Variants in FAM171B observed in about 807,000 individuals in gnomAD.
FAM171B encodes family with sequence similarity 171 member B.
FAM171B carries 19 observed loss-of-function variants against 75.6 expected under a neutral mutation model. That is an observed-to-expected ratio of 0.25 (90% confidence interval 0.18 to 0.37). FAM171B has a LOEUF of 0.37. Among genes scored for constraint, FAM171B ranks in the 10% least tolerant of loss-of-function variants. The probability of loss-of-function intolerance (pLI) is 1.00; values close to 1 mark genes in which losing one functional copy is unlikely to be tolerated. For synonymous variants in FAM171B, 367 were observed against 361.7 expected (o/e 1.01, Z -0.17); for missense variants, 848 against 982.4 (o/e 0.86, Z 1.83).
intron 1 of FAM171B, among the ~76,000 whole-genome samples, chr2:186,736,364 A>G (rs1254346464): frequency 2.0e-5 from 3 of 152,348 alleles, no homozygotes; most frequent in South Asian, 2.1e-4. Context: ...AGTTACCAAT[A>G]TGTATAAAAT....
At chr2:186,730,884 G>A (rs184946830) in intron 1 of FAM171B, among the ~76,000 whole-genome samples, 10 of 151,956 alleles carry the variant, frequency 6.6e-5, no homozygotes, top group African/African-American at 2.4e-4. Flanking sequence ...CACACATTGA[G>A]ATTTATCTGT....
chr2:186,705,741 A>G (rs1230043223), intron 1 of FAM171B, among the ~76,000 whole-genome samples: 2 of 152,184 alleles, frequency 1.3e-5, no homozygotes, highest in Non-Finnish European at 2.9e-5. Flanking sequence ...CAAGCATGAC[A>G]GCCATATAAC....
At chr2:186,753,343 T>C (rs1690484062) in intron 5 of FAM171B, among the ~76,000 whole-genome samples, 1 of 152,216 alleles carries the variant, frequency 6.6e-6, no homozygotes, top group Admixed American at 6.5e-5. Flanking sequence ...ACTATTTTGT[T>C]TTAATATAAA....
At chr2:186,712,701 G>T (rs1388971803) in intron 1 of FAM171B, among the ~76,000 whole-genome samples, 19 of 151,826 alleles carry the variant, frequency 1.3e-4, no homozygotes. Context: ...CTTTATTTTT[G>T]TCTCTTATTA....
At chr2:186,703,615 C>T (rs925004721) in intron 1 of FAM171B, among the ~76,000 whole-genome samples, 3 of 152,112 alleles carry the variant, frequency 2.0e-5, no homozygotes, top group Non-Finnish European at 2.9e-5. Context: ...CAGGAGTTAG[C>T]GACAGCAGAT....
intron 1 of FAM171B, among the ~76,000 whole-genome samples, chr2:186,697,970 G>A (rs1470771500): frequency 6.6e-6 from 1 of 152,298 alleles, no homozygotes; most frequent in East Asian, 1.9e-4. Flanking sequence ...TCAGAGAGCA[G>A]TGAAAATAAA....
intron 1 of FAM171B, among the ~76,000 whole-genome samples, chr2:186,716,407 T>C (rs576621535): frequency 6.6e-6 from 1 of 152,326 alleles, no homozygotes; most frequent in South Asian, 2.1e-4. Context: ...CTGTCTTGAA[T>C]TGGTGTCAGT....
chr2:186,694,454 C>A (rs1286959523), intron 1 of FAM171B, 43 bp downstream of exon 1: 1 of 1,585,870 alleles, frequency 6.3e-7, no homozygotes, highest in South Asian at 1.2e-5. Context: ...TCTCGGCCGG[C>A]GATCTCTTAG....
chr2:186,701,025 T>C (rs938808790), intron 1 of FAM171B, among the ~76,000 whole-genome samples: 1 of 152,054 alleles, frequency 6.6e-6, no homozygotes, highest in African/African-American at 2.4e-5. Context: ...CAAGTGATTC[T>C]CCTGCCTTAA....
intron 5 of FAM171B, among the ~76,000 whole-genome samples, chr2:186,752,706 A>G (rs866427857): frequency 3.3e-5 from 5 of 152,338 alleles, no homozygotes; most frequent in Middle Eastern, 3.4e-3. Context: ...CTGATGTAAC[A>G]CTTGTGGACT....
intron 1 of FAM171B, among the ~76,000 whole-genome samples, chr2:186,728,679 T>C (rs993588015): frequency 6.6e-6 from 1 of 152,198 alleles, no homozygotes; most frequent in Non-Finnish European, 1.5e-5. Flanking sequence ...TGTATTCCTA[T>C]AGGAGATTAA....
intron 1 of FAM171B, among the ~76,000 whole-genome samples, chr2:186,698,711 C>G (rs1456864973): frequency 6.6e-6 from 1 of 152,142 alleles, no homozygotes; most frequent in African/African-American, 2.4e-5. Context: ...GTTGTGCTAT[C>G]AAGTAGTAGA....
At chr2:186,724,962 A>G (rs531265301) in intron 1 of FAM171B, among the ~76,000 whole-genome samples, 27 of 152,268 alleles carry the variant, frequency 1.8e-4, no homozygotes, top group African/African-American at 6.3e-4. Flanking sequence ...ATATCTTCTT[A>G]TGTTTCATCA....
chr2:186,694,182 G>C lies in FAM171B; in HGVS notation c.9G>C (p.Arg3Ser). The change falls in exon 1 of 8, where the codon AGG becomes AGC. Residue 3 changes from arginine to serine, a missense_variant. Coordinates refer to ENST00000304698, the MANE Select transcript of FAM171B (RefSeq NM_177454.4). MA[R>S]LCRRVPCTLL... is the part of the protein sequence containing the mutation. ...CCCTCTGGCTCTAGGCCATGGCGAG[G>C]CTCTGCCGGCGTGTCCCCTGCACCC... 1 of 1,598,260 alleles carries C rather than the reference G, an allele frequency of 6.3e-7. No homozygotes were observed. The highest frequency in any genetic ancestry group is 8.5e-7 in the Non-Finnish European group (1 of 1,177,364).
At chr2:186,727,978 A>G (rs1690060094) in intron 1 of FAM171B, among the ~76,000 whole-genome samples, 1 of 152,198 alleles carries the variant, frequency 6.6e-6, no homozygotes, top group South Asian at 2.1e-4. Flanking sequence ...AGAGCAAACT[A>G]GGCCTCTGAA....
At chr2:186,694,461 T>A in intron 1 of FAM171B, 50 bp downstream of exon 1, 1 of 1,565,720 alleles carries the variant, frequency 6.4e-7, no homozygotes, top group Non-Finnish European at 8.7e-7. Context: ...CGGCGATCTC[T>A]TAGGGCCTCG....
chr2:186,761,226 T>C lies in FAM171B; in HGVS notation c.1126T>C (p.Cys376Arg). The change falls in exon 7 of 8, where the codon TGT (cysteine) becomes CGT (arginine). Residue 376 changes from cysteine to arginine, a missense_variant. Cys to Arg is a radical substitution (Grantham distance 180). This residue lies in a region of FAM171B where 665 missense variants were observed against 729.0 expected (regional missense o/e 0.91). Transcript: ENST00000304698. ...IVIGFFAVLL[C>R]YCRDKCGTPQ... is the part of the protein sequence containing the mutation. ...CATTGGATTTTTTGCTGTACTACTT[T>C]GTTATTGCAGGTAAGAAAATGGCTA... 1 of 1,612,274 alleles carries C rather than the reference T, an allele frequency of 6.2e-7. No individual in the cohort carries two copies. Among genetic ancestry groups the C allele is most frequent in the Non-Finnish European group, 8.5e-7 (1 of 1,179,096 alleles).
At chr2:186,740,125 ACAG>A (rs1327253295) in intron 1 of FAM171B, 100 bp from the exon 2 acceptor site, 2 of 734,278 alleles carry the variant, frequency 2.7e-6, no homozygotes, top group African/African-American at 3.6e-5. Flanking sequence ...AAGTTTAACA[ACAG>A]TTTTGTACTG....
At chr2:186,722,683 G>A (rs1254243777) in intron 1 of FAM171B, among the ~76,000 whole-genome samples, 2 of 152,194 alleles carry the variant, frequency 1.3e-5, no homozygotes, top group Non-Finnish European at 2.9e-5. Flanking sequence ...CATAGATAGA[G>A]ATGATGGCCT....
Sources: gnomAD v4.1 joint callset for allele counts (sites outside exome capture counted in the v4.1 genomes callset) on GRCh38, gnomAD v4.1.1 for gene constraint, gnomAD v4.1.1 regional missense constraint, MANE v1.5 for transcripts, NCBI Gene and HGNC (gene_info 2026-07-23, HGNC 2026-07-21) for gene names.